The following ATF7IP2 variants were observed in gnomAD, a reference collection of about 807,000 sequenced individuals.
ATF7IP2 encodes activating transcription factor 7-interacting protein 2.
In ATF7IP2, 42 loss-of-function variants were observed where a neutral mutation model predicts 64.2. That is an observed-to-expected ratio of 0.65 (90% confidence interval 0.51 to 0.85). ATF7IP2 has a LOEUF of 0.85. Ranked by LOEUF, ATF7IP2 falls within the 40% of genes least tolerant of loss-of-function variation. The pLI, the probability that ATF7IP2 is intolerant of heterozygous loss-of-function variation, is 0.00. For synonymous variants in ATF7IP2, 308 were observed against 272.8 expected, an observed-to-expected ratio of 1.13 and a Z score of -1.27; for missense variants, 933 against 784.2, an observed-to-expected ratio of 1.19 and a Z score of -2.27.
chr16:10,425,786 G>C (rs35093563), intron 3 of ATF7IP2, among the ~76,000 whole-genome samples: 24,426 of 151,714 alleles, frequency 0.16, 2,270 homozygotes, highest in African/African-American at 0.25. Context: ...CCAGCTGTTC[G>C]TGAGGCTGAG....
At chr16:10,468,925 C>T (rs2049684053) in intron 9 of ATF7IP2, among the ~76,000 whole-genome samples, 1 of 152,074 alleles carries the variant, frequency 6.6e-6, no homozygotes, top group African/African-American at 2.4e-5. Context: ...TTTAGTGGGG[C>T]TCAATTAGTC....
chr16:10,387,019 TG>T (rs1488431556), intron 1 of ATF7IP2: 3 of 152,208 alleles, frequency 2.0e-5, no homozygotes, highest in South Asian at 4.1e-4. Flanking sequence ...TTAATATGTA[TG>T]GAAGAAGAGG....
chr16:10,461,651 C>T (rs1337502346), intron 9 of ATF7IP2, among the ~76,000 whole-genome samples: 1 of 152,002 alleles, frequency 6.6e-6, no homozygotes. Context: ...GTGCATGATT[C>T]AGGGATTCTA....
At chr16:10,399,400 C>T (rs1440306232) in intron 1 of ATF7IP2, among the ~76,000 whole-genome samples, 1 of 152,134 alleles carries the variant, frequency 6.6e-6, no homozygotes, top group Non-Finnish European at 1.5e-5. Context: ...CATTCTTATA[C>T]ATATGTTAAT....
chr16:10,473,580 T>C, intron 11 of ATF7IP2, 46 bp downstream of exon 11: 1 of 1,338,962 alleles, frequency 7.5e-7, no homozygotes, highest in Non-Finnish European at 1.1e-6. Context: ...TTAAATATGT[T>C]AGTTCAAGGA....
intron 1 of ATF7IP2, among the ~76,000 whole-genome samples, chr16:10,399,132 ATTG>A (rs2047478080): frequency 1.3e-5 from 2 of 151,998 alleles, no homozygotes; most frequent in African/African-American, 4.8e-5. Context: ...AAAAAGATCT[ATTG>A]TTCTATTGTG....
intron 8 of ATF7IP2, among the ~76,000 whole-genome samples, chr16:10,452,598 G>C (rs190701186): frequency 6.6e-6 from 1 of 152,234 alleles, no homozygotes; most frequent in African/African-American, 2.4e-5. Flanking sequence ...CCCACTTGAG[G>C]AGCCAGTCTG....
At chr16:10,430,308 A>G (rs11645643) in intron 4 of ATF7IP2, among the ~76,000 whole-genome samples, 78,595 of 152,012 alleles carry the variant, frequency 0.52, 21,217 homozygotes, top group Non-Finnish European at 0.59. Context: ...GGATAAAAAA[A>G]TAGTGAATGG....
Position 10,431,279 on chromosome 16 carries a change from G to A in ATF7IP2, c.659G>A (p.Cys220Tyr), listed in dbSNP as rs1452530603. 6.2e-7 allele frequency: 1 copy of A among 1,614,064 alleles called. No homozygotes were observed. The highest frequency in any genetic ancestry group is 8.5e-7 in the Non-Finnish European group (1 of 1,180,042). ...AAAAGGCAAAGTGACAACATTTTATGTTCAGAAGACTCAGGTTTTGTGCCT... is the reference window on the plus strand; with the variant it reads ...AAAAGGCAAAGTGACAACATTTTATATTCAGAAGACTCAGGTTTTGTGCCT... ...HDKRQSDNIL[C>Y]SEDSGFVPVE... Residue 220 changes from cysteine (C) to tyrosine (Y), a missense_variant, in exon 5 of 14, where the codon TGT becomes TAT. Transcript: ENST00000562102.
chr16:10,416,373 C>G (rs2047878063), intron 2 of ATF7IP2, among the ~76,000 whole-genome samples: 1 of 152,130 alleles, frequency 6.6e-6, no homozygotes, highest in South Asian at 2.1e-4. Flanking sequence ...TATGTTCTCA[C>G]TTATTTGTGG....
intron 1 of ATF7IP2, chr16:10,387,139 T>G (rs1433296799): frequency 6.6e-6 from 1 of 152,256 alleles, no homozygotes; most frequent in African/African-American, 2.4e-5. Context: ...TCATATTTAT[T>G]GTAGCCAGTA....
intron 2 of ATF7IP2, among the ~76,000 whole-genome samples, chr16:10,419,365 A>G (rs2047945272): frequency 6.6e-6 from 1 of 152,128 alleles, no homozygotes; most frequent in Non-Finnish European, 1.5e-5. Flanking sequence ...TATCTGTAGG[A>G]CCGAGCATCC....
rs1361697892 is a variant in ATF7IP2, at chr16:10,458,388, A to G, written c.1352+859A>G. Among the ~76,000 whole-genome samples, 9 of 152,256 alleles carry G rather than the reference A, an allele frequency of 5.9e-5. 1 individual carries two copies. Among genetic ancestry groups the G allele is most frequent in the Non-Finnish European group, 1.3e-4 (9 of 68,048 alleles). On this transcript the variant is annotated intron_variant, in intron 9 of 13. Transcript: ENST00000562102. ...GAAGTAACAAAAAATAAAAAGTGCT[A>G]GTGATGGAAGTGAAAAAGACACCAT...
chr16:10,399,437 A>G (rs1250586065), intron 1 of ATF7IP2, among the ~76,000 whole-genome samples: 1 of 152,206 alleles, frequency 6.6e-6, no homozygotes, highest in Non-Finnish European at 1.5e-5. Context: ...CATTTATTGA[A>G]AAGTATGTGT....
At position 10,472,141 on chromosome 16, in the gene ATF7IP2, G is replaced by A; in HGVS notation, c.1384G>A (p.Glu462Lys). 6.4e-7 allele frequency: 1 copy of A among 1,572,764 alleles called. No homozygotes were observed. Among genetic ancestry groups the A allele is most frequent in the South Asian group, 1.2e-5 (1 of 86,484 alleles). Residue 462 changes from glutamate to lysine, a missense_variant, in exon 10 of 14, where the codon GAA becomes AAA. Transcript: ENST00000562102. ...TGATGATGTTATGTTGATTTCTGTG[G>A]AAAGTCCTAATTTGACAACTCCAAT... is the stretch of plus-strand genomic sequence containing the variant. ...NNDDVMLISV[E>K]SPNLTTPITS... is the part of the protein sequence containing the mutation.
chr16:10,478,467 C>G (rs1258764460), intron 12 of ATF7IP2, among the ~76,000 whole-genome samples: 1 of 152,182 alleles, frequency 6.6e-6, no homozygotes, highest in Admixed American at 6.5e-5. Flanking sequence ...AAAGCTGAAA[C>G]TGGATCCCTT....
chr16:10,401,124 T>G (rs1410859353), intron 1 of ATF7IP2, among the ~76,000 whole-genome samples: 1 of 152,218 alleles, frequency 6.6e-6, no homozygotes, highest in East Asian at 1.9e-4. Context: ...AGAACCATCC[T>G]TGCATCCTTG....
intron 12 of ATF7IP2, among the ~76,000 whole-genome samples, chr16:10,476,469 A>G (rs113679513): frequency 2.3e-3 from 354 of 151,034 alleles, no homozygotes; most frequent in African/African-American, 8.3e-3. Flanking sequence ...CCATCCCTGT[A>G]TTTACTCTCC....
intron 3 of ATF7IP2, among the ~76,000 whole-genome samples, chr16:10,421,779 C>T (rs1424815767): frequency 6.6e-6 from 1 of 152,192 alleles, no homozygotes; most frequent in East Asian, 1.9e-4. Flanking sequence ...CAATTGCTTG[C>T]CCTACATACG....
Sources: gnomAD v4.1 joint callset for allele counts (sites outside exome capture counted in the v4.1 genomes callset) on GRCh38, gnomAD v4.1.1 for gene constraint, MANE v1.5 for transcripts, NCBI Gene and HGNC (gene_info 2026-07-23, HGNC 2026-07-21) for gene names.